The following ANAPC10 variants were observed in gnomAD, a reference collection of about 807,000 sequenced individuals.
The protein encoded by ANAPC10 is anaphase promoting complex subunit 10.
Under a neutral mutation model 22.0 loss-of-function variants are expected in ANAPC10, and 12 were observed. The observed-to-expected ratio is 0.55, with a 90% CI of 0.35 to 0.88. The LOEUF (loss-of-function observed/expected upper bound fraction) is 0.88, where lower values mean the gene tolerates loss of function less well. ANAPC10 is among the 40% of genes least tolerant of loss of function. The probability of loss-of-function intolerance (pLI) is 0.01; values close to 1 mark genes in which losing one functional copy is unlikely to be tolerated. For synonymous variants in ANAPC10, 65 were observed against 69.5 expected, an observed-to-expected ratio of 0.94 and a Z score of 0.32; for missense variants, 188 against 220.9, an observed-to-expected ratio of 0.85 and a Z score of 0.94.
chr4:145,052,689 C>T (rs1051460527), intron 4 of ANAPC10, among the ~76,000 whole-genome samples: 1 of 151,896 alleles, frequency 6.6e-6, no homozygotes, highest in African/African-American at 2.4e-5. Context: ...ATCACATGGT[C>T]CGGAGATTGA....
At chr4:145,030,142 A>G (rs1466915719) in intron 4 of ANAPC10, among the ~76,000 whole-genome samples, 1 of 152,206 alleles carries the variant, frequency 6.6e-6, no homozygotes, top group Non-Finnish European at 1.5e-5. Flanking sequence ...TGTTCCTAGA[A>G]GTGAAATTGA....
At chr4:145,019,537 C>G (rs946425865) in intron 4 of ANAPC10, among the ~76,000 whole-genome samples, 4 of 152,004 alleles carry the variant, frequency 2.6e-5, no homozygotes, top group African/African-American at 9.7e-5. Flanking sequence ...CCTCAAGGAA[C>G]TAGAGAAACA....
At chr4:145,003,293 G>C (rs1732859820) in intron 4 of ANAPC10, among the ~76,000 whole-genome samples, 1 of 152,048 alleles carries the variant, frequency 6.6e-6, no homozygotes, top group Admixed American at 6.6e-5. Flanking sequence ...ACTACTGATG[G>C]GCTTTTAGGT....
chr4:145,074,502 C>T (rs1211711947), intron 3 of ANAPC10, among the ~76,000 whole-genome samples: 9 of 151,998 alleles, frequency 5.9e-5, no homozygotes, highest in Non-Finnish European at 1.5e-5. Context: ...ATGTATGAGC[C>T]CTATGTGATA....
At chr4:145,069,345 C>T (rs1258684233) in intron 3 of ANAPC10, among the ~76,000 whole-genome samples, 1 of 152,104 alleles carries the variant, frequency 6.6e-6, no homozygotes, top group South Asian at 2.1e-4. Flanking sequence ...ATAAGCTACA[C>T]AAAGAAAAAA....
intron 4 of ANAPC10, chr4:145,035,101 A>G (rs1431181312): frequency 6.6e-6 from 1 of 152,242 alleles, no homozygotes; most frequent in Non-Finnish European, 1.5e-5. Flanking sequence ...GTGAGACACA[A>G]GAGTTCTTTT....
At chr4:145,091,546 C>T (rs777907335) in intron 2 of ANAPC10, among the ~76,000 whole-genome samples, 5 of 152,032 alleles carry the variant, frequency 3.3e-5, no homozygotes, top group Admixed American at 6.5e-5. Context: ...GGGAAATCAC[C>T]GCTACAGTAT....
chr4:145,037,099 G>T (rs568063938), intron 4 of ANAPC10, among the ~76,000 whole-genome samples: 43 of 149,934 alleles, frequency 2.9e-4, no homozygotes, highest in Middle Eastern at 3.4e-3. Context: ...AAACACTAAG[G>T]ACCCAACAGA....
chr4:145,029,846 C>T lies in ANAPC10; in HGVS notation c.328-34243G>A, dbSNP rs574365625. ...GAGGGTCCAGAAGATATACCCTTGA[C>T]CAATGCCTTGCAAAACAGATTTGTG... On this transcript the variant is annotated intron_variant, in intron 4 of 4. Coordinates refer to ENST00000507656, the MANE Select transcript of ANAPC10 (RefSeq NM_001256706.2). Among the ~76,000 whole-genome samples the T allele has an allele frequency of 4.6e-5, 7 of 152,126 alleles. No homozygotes were observed. In the South Asian group the frequency reaches 1.5e-3, roughly 32 times the overall value.
At chr4:145,043,516 G>A (rs1579014498) in intron 4 of ANAPC10, among the ~76,000 whole-genome samples, 1 of 152,090 alleles carries the variant, frequency 6.6e-6, no homozygotes, top group African/African-American at 2.4e-5. Flanking sequence ...TGCCACCCAC[G>A]TTGCTGAGAG....
At chr4:145,082,305 A>C (rs917741914) in intron 2 of ANAPC10, among the ~76,000 whole-genome samples, 2 of 152,140 alleles carry the variant, frequency 1.3e-5, no homozygotes, top group Admixed American at 1.3e-4. Context: ...ACACGCCACC[A>C]CGCCAGACTA....
intron 4 of ANAPC10, among the ~76,000 whole-genome samples, chr4:145,041,659 T>C (rs1457273503): frequency 1.3e-5 from 2 of 152,196 alleles, no homozygotes; most frequent in African/African-American, 4.8e-5. Flanking sequence ...ATATTCTGGA[T>C]TCAGTGAGAG....
At chr4:145,080,680 G>A (rs377058541) in intron 3 of ANAPC10, among the ~76,000 whole-genome samples, 72 of 152,198 alleles carry the variant, frequency 4.7e-4, no homozygotes, top group African/African-American at 1.6e-3. Context: ...AGGCCGAGGC[G>A]GGTTGAATCA....
At chr4:145,085,866 CTT>C (rs77357289) in intron 2 of ANAPC10, among the ~76,000 whole-genome samples, 26 of 140,300 alleles carry the variant, frequency 1.9e-4, no homozygotes, top group Non-Finnish European at 2.3e-4. Flanking sequence ...AATTTTTTTT[CTT>C]TTTTTTTTTT....
intron 4 of ANAPC10, among the ~76,000 whole-genome samples, chr4:145,055,462 G>A (rs1489824548): frequency 2.6e-5 from 4 of 152,114 alleles, no homozygotes; most frequent in Admixed American, 2.6e-4. Context: ...GGAGGCTGAG[G>A]CATGAGAATC....
intron 4 of ANAPC10, among the ~76,000 whole-genome samples, chr4:145,026,415 T>TG (rs1736668102): frequency 2.0e-5 from 3 of 151,532 alleles, no homozygotes; most frequent in African/African-American, 4.8e-5. Flanking sequence ...AAAAAGTGCA[T>TG]GGGAAAAAAA....
intron 4 of ANAPC10, among the ~76,000 whole-genome samples, chr4:145,058,525 G>GT (rs1265463878): frequency 2.6e-5 from 4 of 152,140 alleles, no homozygotes; most frequent in Non-Finnish European, 2.9e-5. Flanking sequence ...GGCAGAAACT[G>GT]TGACTTTATT....
At chr4:145,060,993 TAACAA>T in intron 4 of ANAPC10, among the ~76,000 whole-genome samples, 1 of 152,084 alleles carries the variant, frequency 6.6e-6, no homozygotes, top group Non-Finnish European at 1.5e-5. Context: ...AGCTAGGCAC[TAACAA>T]TTTAAAGCAA....
chr4:145,018,983 A>G (rs1422670772), intron 4 of ANAPC10, among the ~76,000 whole-genome samples: 1 of 152,186 alleles, frequency 6.6e-6, no homozygotes, highest in African/African-American at 2.4e-5. Context: ...TGAGATAGAC[A>G]GCAACACCAT....
Sources: gnomAD v4.1 joint callset for allele counts (sites outside exome capture counted in the v4.1 genomes callset) on GRCh38, gnomAD v4.1.1 for gene constraint, MANE v1.5 for transcripts, NCBI Gene and HGNC (gene_info 2026-07-23, HGNC 2026-07-21) for gene names.